The following IKZF1 variants were observed in gnomAD, a reference collection of about 807,000 sequenced individuals.
IKZF1 encodes IKAROS family zinc finger 1.
IKZF1 carries 10 observed loss-of-function variants against 51.7 expected under a neutral mutation model. That is an observed-to-expected ratio of 0.19 (90% confidence interval 0.12 to 0.33). The LOEUF (loss-of-function observed/expected upper bound fraction) is 0.33, where lower values mean the gene tolerates loss of function less well. Ranked by LOEUF, IKZF1 falls within the 10% of genes least tolerant of loss-of-function variation. The pLI is 1.00. For synonymous variants in IKZF1, 280 were observed against 282.3 expected, an observed-to-expected ratio of 0.99 and a Z score of 0.08; for missense variants, 484 against 707.5, an observed-to-expected ratio of 0.68 and a Z score of 3.58.
rs1418688236 is a variant in IKZF1, at chr7:50,376,887, T to C, written c.421+94T>C. 1.3e-5 allele frequency: 19 copies of C among 1,517,294 alleles called. No homozygotes were observed. Among genetic ancestry groups the C allele is most frequent in the Admixed American group, 4.4e-5 (2 of 45,962 alleles). 94.0% of individuals were successfully genotyped at this position (1,517,294 alleles called of 1,614,324 possible). A position where few individuals can be genotyped will look rare whatever the true frequency, so the allele number is the denominator to read the frequency against. On this transcript the variant is annotated intron_variant, in intron 4 of 7. Transcript: ENST00000331340. The surrounding 1 kb of genome is among the most constrained non-coding windows in gnomAD (Gnocchi z 4.5). ...TCCTGTCTTCCTTGTGTTCTGAGCA[T>C]GTTTCTAATTGACTGGTAGCTCAGT...
chr7:50,343,541 G>T (rs1799609256), intron 3 of IKZF1, among the ~76,000 whole-genome samples: 1 of 152,208 alleles, frequency 6.6e-6, no homozygotes, highest in African/African-American at 2.4e-5. Context: ...ATCATTAAAT[G>T]AATTAGGGAT....
At chr7:50,321,843 C>G (rs145932099) in intron 2 of IKZF1, among the ~76,000 whole-genome samples, 338 of 152,214 alleles carry the variant, frequency 2.2e-3, no homozygotes, top group African/African-American at 7.8e-3. Flanking sequence ...CCTGACTGTT[C>G]AAAGGATAGG....
intron 1 of IKZF1, among the ~76,000 whole-genome samples, chr7:50,312,896 T>A (rs1327428395): frequency 6.6e-6 from 1 of 152,214 alleles, no homozygotes; most frequent in Non-Finnish European, 1.5e-5. Flanking sequence ...CCTGTTTAAA[T>A]CTTGTTTTTC....
In IKZF1 at chr7:50,401,179, C is replaced by T. The variant is rs187514127; in HGVS notation, c.*552C>T. 5 of 238,852 alleles carry T rather than the reference C, an allele frequency of 2.1e-5. No individual in the cohort carries two copies. The highest frequency in any genetic ancestry group is 3.3e-5 in the Non-Finnish European group (4 of 122,448). The allele number at this position is 238,852 out of a possible 1,614,324, so 14.8% of individuals were successfully genotyped here. On this transcript the variant is annotated 3_prime_UTR_variant, in exon 8 of 8. Transcript: ENST00000331340. Reference sequence around the variant, plus strand: ...GCCCAGGCCAGCTTCGAGCTACATGCATCTAGGGCGGAGAGGCTGCACTTG... The same window carrying T: ...GCCCAGGCCAGCTTCGAGCTACATGTATCTAGGGCGGAGAGGCTGCACTTG...
intron 5 of IKZF1, among the ~76,000 whole-genome samples, chr7:50,382,995 T>A (rs761772984): frequency 6.6e-6 from 1 of 152,172 alleles, no homozygotes; most frequent in Admixed American, 6.5e-5. Context: ...CTCATCCCGT[T>A]TGTCAGGCTG....
At position 50,400,385 on chromosome 7, in the gene IKZF1, G is replaced by A. The variant is rs775617502; in HGVS notation, c.1318G>A (p.Ala440Thr). 4 of 1,612,982 alleles carry A rather than the reference G, an allele frequency of 2.5e-6. No individual in the cohort carries two copies. The highest frequency in any genetic ancestry group is 2.7e-5 in the African/African-American group (2 of 74,906). The change falls in exon 8 of 8, where the codon GCC becomes ACC. Residue 440 changes from alanine (A) to threonine (T), a missense_variant. By Grantham distance (58) the Ala-to-Thr change is moderately conservative (BLOSUM62 0). Transcript: ENST00000331340. This position sits in a 1 kb window ranked among gnomAD's most constrained non-coding sequence, Gnocchi z 5.4. ...EEHRAYDLLR[A>T]ASENSQDALR... ...GCACCGCGCCTACGACCTGCTGCGCGCCGCCTCCGAGAACTCGCAGGACGC... is the reference window on the plus strand; with the variant it reads ...GCACCGCGCCTACGACCTGCTGCGCACCGCCTCCGAGAACTCGCAGGACGC...
chr7:50,358,633 T>G (rs942391411), intron 3 of IKZF1, among the ~76,000 whole-genome samples: 1 of 152,244 alleles, frequency 6.6e-6, no homozygotes, highest in Non-Finnish European at 1.5e-5. Flanking sequence ...TTCAGGTGGT[T>G]GGAGGCAGGG....
intron 3 of IKZF1, among the ~76,000 whole-genome samples, chr7:50,336,604 A>T (rs1423031592): frequency 2.0e-5 from 3 of 152,146 alleles, no homozygotes; most frequent in African/African-American, 7.2e-5. Context: ...AGGGGAAGAA[A>T]GGCAGGGAGG....
intron 3 of IKZF1, among the ~76,000 whole-genome samples, chr7:50,354,605 G>C (rs1802755874): frequency 6.6e-6 from 1 of 152,236 alleles, no homozygotes; most frequent in Non-Finnish European, 1.5e-5. Context: ...AAAAGTCAAG[G>C]TTGAGAGATG....
At chr7:50,385,678 T>C (rs1048642357) in intron 5 of IKZF1, among the ~76,000 whole-genome samples, 2 of 152,186 alleles carry the variant, frequency 1.3e-5, no homozygotes, top group Non-Finnish European at 2.9e-5. Context: ...TATTCAGACA[T>C]CATGTCATAT....
intron 3 of IKZF1, among the ~76,000 whole-genome samples, chr7:50,333,377 T>TGGGA (rs1334890939): frequency 6.6e-6 from 1 of 151,666 alleles, no homozygotes; most frequent in Non-Finnish European, 1.5e-5. Context: ...CTCTACACTC[T>TGGGA]GGGAGGGAAG....
chr7:50,335,741 G>A (rs1797608971), intron 3 of IKZF1, among the ~76,000 whole-genome samples: 1 of 151,750 alleles, frequency 6.6e-6, no homozygotes, highest in South Asian at 2.1e-4. Flanking sequence ...GATGTGTGGT[G>A]TGTATGTGTG....
rs529060901 is a variant in IKZF1 at position 50,401,264 on chromosome 7, G to C, written c.*637G>C. The C allele has an allele frequency of 2.2e-4, 52 of 231,430 alleles. No individual in the cohort carries two copies. Among genetic ancestry groups the C allele is most frequent in the Non-Finnish European group, 4.0e-4 (47 of 117,030 alleles). 14.3% of individuals were successfully genotyped at this position (231,430 alleles called of 1,614,324 possible). On this transcript the variant is annotated 3_prime_UTR_variant, in exon 8 of 8. Coordinates refer to ENST00000331340, the MANE Select transcript of IKZF1 (RefSeq NM_006060.6). ...TAGGAAAATGAATTGGTTGGGGAAA[G>C]TCGTGTCTGTCAGACTGCCCTGGGT...
At chr7:50,343,623 G>A (rs1039235213) in intron 3 of IKZF1, among the ~76,000 whole-genome samples, 1 of 152,228 alleles carries the variant, frequency 6.6e-6, no homozygotes, top group Admixed American at 6.5e-5. Flanking sequence ...GAGAAGACAC[G>A]CTGTGGTTAC....
At chr7:50,389,282 TACCTAAACATGGATGTTTAGGTC>T (rs1159261322) in intron 6 of IKZF1, among the ~76,000 whole-genome samples, 1 of 152,236 alleles carries the variant, frequency 6.6e-6, no homozygotes, top group Non-Finnish European at 1.5e-5. Flanking sequence ...GTCAGGTACT[TACCTAAACATGGATGTTTAGGTC>T]ACTGACATAC....
intron 2 of IKZF1, among the ~76,000 whole-genome samples, chr7:50,322,831 A>G (rs540681453): frequency 4.1e-4 from 63 of 152,286 alleles, no homozygotes; most frequent in African/African-American, 1.5e-3. Flanking sequence ...CTGGACCACT[A>G]TAGTATCATC....
rs1194950173 is a variant in IKZF1, at chr7:50,403,954, T to A, written c.*3327T>A. The A allele has an allele frequency of 1.4e-5, 3 of 215,032 alleles. No homozygotes were observed. The highest frequency in any genetic ancestry group is 6.8e-5 in the African/African-American group (3 of 44,294). 13.3% of individuals were successfully genotyped at this position (215,032 alleles called of 1,614,324 possible). On this transcript the variant is annotated 3_prime_UTR_variant, in exon 8 of 8. Coordinates refer to ENST00000331340, the MANE Select transcript of IKZF1 (RefSeq NM_006060.6). ...TCCTTCCTTTCTTCAGTTCCAGCAA[T>A]AATGAATGGTCAACTTTTTTAAAAT...
At chr7:50,354,435 A>G (rs1802696751) in intron 3 of IKZF1, among the ~76,000 whole-genome samples, 1 of 152,196 alleles carries the variant, frequency 6.6e-6, no homozygotes. Context: ...CAGGGCAGAC[A>G]TCAAGCAAGG....
At chr7:50,368,631 T>C (rs1317348339) in intron 3 of IKZF1, 8 of 358,210 alleles carry the variant, frequency 2.2e-5, no homozygotes, top group Non-Finnish European at 3.5e-5. Flanking sequence ...ATCTGAGCTG[T>C]TAAACCAAAA....
Sources: allele counts gnomAD v4.1 joint callset (sites outside exome capture counted in the v4.1 genomes callset), GRCh38; gene constraint gnomAD v4.1.1; non-coding constraint Gnocchi (gnomAD v3.1); transcripts MANE v1.5; gene names NCBI Gene and HGNC (gene_info 2026-07-23, HGNC 2026-07-21).